The following SEMA5A variants were observed in gnomAD, a reference collection of about 807,000 sequenced individuals.
SEMA5A encodes the protein semaphorin 5A, also known as semaphorin-5A.
A neutral mutation model predicts 135.5 loss-of-function variants in SEMA5A; 55 were observed. The ratio of observed to expected loss-of-function variants is 0.41; its 90% CI spans 0.33 to 0.51. The LOEUF (loss-of-function observed/expected upper bound fraction) is 0.51, where lower values mean the gene tolerates loss of function less well. Ranked by LOEUF, SEMA5A falls within the 20% of genes least tolerant of loss-of-function variation. SEMA5A has a pLI of 0.37. For missense variants in SEMA5A, 1,290 were observed against 1,419.9 expected (o/e 0.91, Z 1.47); for synonymous variants, 580 against 546.5 (o/e 1.06, Z -0.85).
At chr5:9,221,460 G>A (rs866963403) in intron 8 of SEMA5A, among the ~76,000 whole-genome samples, 16 of 151,650 alleles carry the variant, frequency 1.1e-4, no homozygotes, top group South Asian at 4.2e-4. Context: ...CCACCACCAC[G>A]CCCGGCTAAT....
At chr5:9,349,939 T>G (rs78962500) in intron 3 of SEMA5A, among the ~76,000 whole-genome samples, 9,244 of 151,494 alleles carry the variant, frequency 0.061, 317 homozygotes, top group South Asian at 0.072. Flanking sequence ...AAAAAAAACA[T>G]GCTATCAAAA....
At chr5:9,076,230 A>G (rs1387645424) in intron 16 of SEMA5A, among the ~76,000 whole-genome samples, 1 of 150,412 alleles carries the variant, frequency 6.6e-6, no homozygotes, top group Non-Finnish European at 1.5e-5. Context: ...AAAAGAAATT[A>G]TCTTGAAATC....
At chr5:9,291,306 T>C (rs937740886) in intron 5 of SEMA5A, among the ~76,000 whole-genome samples, 3 of 152,190 alleles carry the variant, frequency 2.0e-5, no homozygotes, top group Non-Finnish European at 2.9e-5. Flanking sequence ...CTCTCCTGCA[T>C]GCAACCTGCT....
At chr5:9,458,671 G>A (rs1758939548) in intron 1 of SEMA5A, among the ~76,000 whole-genome samples, 1 of 152,184 alleles carries the variant, frequency 6.6e-6, no homozygotes, top group Admixed American at 6.5e-5. Flanking sequence ...AGACTCTACA[G>A]AAAACCAGGG....
chr5:9,490,754 C>T (rs533264203), intron 1 of SEMA5A, among the ~76,000 whole-genome samples: 1 of 152,316 alleles, frequency 6.6e-6, no homozygotes, highest in Admixed American at 6.5e-5. Context: ...TTAGAGAGGT[C>T]TAAGGAAGCC....
At chr5:9,397,478 C>G (rs1756456960) in intron 2 of SEMA5A, among the ~76,000 whole-genome samples, 1 of 152,090 alleles carries the variant, frequency 6.6e-6, no homozygotes, top group Non-Finnish European at 1.5e-5. Flanking sequence ...AGAACAGTGC[C>G]AGGTCCACTG....
chr5:9,150,560 T>A (rs1190219380), intron 12 of SEMA5A, among the ~76,000 whole-genome samples: 2 of 152,186 alleles, frequency 1.3e-5, no homozygotes, highest in African/African-American at 4.8e-5. Flanking sequence ...GAAATATTGA[T>A]CTTTTAAAAT....
chr5:9,344,650 ATT>A lies in SEMA5A; in HGVS notation c.125-6840_125-6839del, dbSNP rs139795392. Reference sequence around the variant, plus strand: ...GGAAAGAAGATCTCAATATTGGAGAATTTATCTCCCTCAAATGACTTTCCAAG... The same window carrying A: ...GGAAAGAAGATCTCAATATTGGAGAATATCTCCCTCAAATGACTTTCCAAG... On this transcript the variant is annotated intron_variant, in intron 3 of 22. Coordinates refer to ENST00000382496, the MANE Select transcript of SEMA5A (RefSeq NM_003966.3). 3.4e-3 allele frequency among the ~76,000 whole-genome samples: 516 copies of A among 152,310 alleles called. 3 individuals carry two copies. The highest frequency in any genetic ancestry group is 0.012 in the African/African-American group (503 of 41,568).
chr5:9,265,752 G>C (rs951956677), intron 5 of SEMA5A, among the ~76,000 whole-genome samples: 2 of 152,158 alleles, frequency 1.3e-5, no homozygotes, highest in African/African-American at 2.4e-5. Context: ...CCACTGCAAG[G>C]CTGCTTTCTC....
At chr5:9,483,458 A>G (rs1401856296) in intron 1 of SEMA5A, among the ~76,000 whole-genome samples, 1 of 152,202 alleles carries the variant, frequency 6.6e-6, no homozygotes, top group African/African-American at 2.4e-5. Context: ...GAAGCACTGA[A>G]AAATACCAGG....
intron 2 of SEMA5A, among the ~76,000 whole-genome samples, chr5:9,412,375 G>A: frequency 6.6e-6 from 1 of 151,678 alleles, no homozygotes; most frequent in Non-Finnish European, 1.5e-5. Context: ...TATGCATGAA[G>A]ATCTTTGGAA....
chr5:9,366,639 T>C (rs40657), intron 3 of SEMA5A, among the ~76,000 whole-genome samples: 127,895 of 152,178 alleles, frequency 0.84, 53,946 homozygotes, highest in South Asian at 0.91. Context: ...CCGTCCGCCT[T>C]AGCCTCCCAA....
At chr5:9,114,369 T>G (rs1018394282) in intron 15 of SEMA5A, among the ~76,000 whole-genome samples, 1 of 152,208 alleles carries the variant, frequency 6.6e-6, no homozygotes, top group Non-Finnish European at 1.5e-5. Context: ...TGAAAAGTTT[T>G]GGAAATAGTA....
chr5:9,499,436 C>T (rs1735470131), intron 1 of SEMA5A, among the ~76,000 whole-genome samples: 1 of 152,152 alleles, frequency 6.6e-6, no homozygotes, highest in African/African-American at 2.4e-5. Context: ...AACAAGGTTA[C>T]AAAGCAGCCT....
At chr5:9,296,396 T>C (rs185406072) in intron 5 of SEMA5A, among the ~76,000 whole-genome samples, 3 of 152,162 alleles carry the variant, frequency 2.0e-5, no homozygotes, top group Non-Finnish European at 4.4e-5. Context: ...CAGCTAAATG[T>C]AATATATTTA....
intron 5 of SEMA5A, among the ~76,000 whole-genome samples, chr5:9,282,625 G>A (rs1327809034): frequency 6.6e-6 from 1 of 152,142 alleles, no homozygotes; most frequent in East Asian, 1.9e-4. Flanking sequence ...TATAATCTCA[G>A]AGGTTCACGG....
chr5:9,234,927 G>A (rs1747819568), intron 6 of SEMA5A, among the ~76,000 whole-genome samples: 1 of 152,104 alleles, frequency 6.6e-6, no homozygotes. Context: ...CCAAAAGATG[G>A]CCTTTTCCTA....
At chr5:9,277,881 C>G (rs1750346084) in intron 5 of SEMA5A, among the ~76,000 whole-genome samples, 1 of 151,898 alleles carries the variant, frequency 6.6e-6, no homozygotes, top group South Asian at 2.1e-4. Context: ...ATGGGTGCAG[C>G]AAACCACCGT....
rs142624607 is a variant in SEMA5A at position 9,343,404 on chromosome 5, G to C, written c.125-5592C>G. 6.1e-3 allele frequency among the ~76,000 whole-genome samples: 926 copies of C among 152,146 alleles called. 5 individuals carry two copies. Among genetic ancestry groups the C allele is most frequent in the Non-Finnish European group, 9.4e-3 (638 of 68,004 alleles). On this transcript the variant is annotated intron_variant, in intron 3 of 22. Transcript: ENST00000382496. Reference sequence around the variant, plus strand: ...GGGGGCAGGGACAAGGTACTGTCCTGAAAATGAAAGAGCTGTGTCTTCACC... The same window carrying C: ...GGGGGCAGGGACAAGGTACTGTCCTCAAAATGAAAGAGCTGTGTCTTCACC...
Sources: allele counts gnomAD v4.1 joint callset (sites outside exome capture counted in the v4.1 genomes callset), GRCh38; gene constraint gnomAD v4.1.1; transcripts MANE v1.5; gene names NCBI Gene and HGNC (gene_info 2026-07-23, HGNC 2026-07-21).